KCNQ5: variants seen among roughly 807,000 people sequenced by gnomAD.
KCNQ5 encodes potassium voltage-gated channel subfamily KQT member 5.
In KCNQ5, 30 loss-of-function variants were observed where a neutral mutation model predicts 98.2. The ratio of observed to expected loss-of-function variants is 0.31; its 90% CI spans 0.23 to 0.41. The LOEUF is 0.41. Ranked by LOEUF, KCNQ5 falls within the 10% of genes least tolerant of loss-of-function variation. The pLI is 1.00. For missense variants in KCNQ5, 835 were observed against 1,182.5 expected, an observed-to-expected ratio of 0.71 and a Z score of 4.31; for synonymous variants, 458 against 449.4, an observed-to-expected ratio of 1.02 and a Z score of -0.24.
intron 13 of KCNQ5, among the ~76,000 whole-genome samples, chr6:73,193,356 G>C (rs950648912): frequency 6.6e-6 from 1 of 151,704 alleles, no homozygotes; most frequent in Non-Finnish European, 1.5e-5. Context: ...GGCCGGGTGT[G>C]GTGGCTCATG....
chr6:73,149,344 A>C (rs1339157332), intron 10 of KCNQ5, among the ~76,000 whole-genome samples: 1 of 152,242 alleles, frequency 6.6e-6, no homozygotes, highest in African/African-American at 2.4e-5. Flanking sequence ...GTATATGTAT[A>C]CCTGGTTTTA....
intron 10 of KCNQ5, among the ~76,000 whole-genome samples, chr6:73,166,037 G>C (rs115521628): frequency 3.9e-5 from 6 of 152,288 alleles, no homozygotes; most frequent in Non-Finnish European, 7.4e-5. Context: ...AACTGCTGGG[G>C]TTAAAGTTCT....
chr6:72,668,928 T>C (rs1766960304), intron 1 of KCNQ5, among the ~76,000 whole-genome samples: 1 of 151,954 alleles, frequency 6.6e-6, no homozygotes, highest in African/African-American at 2.4e-5. Flanking sequence ...ATTACCTTCA[T>C]ACAGGCCCTG....
At chr6:73,033,850 G>A (rs1256287156) in intron 2 of KCNQ5, among the ~76,000 whole-genome samples, 6 of 151,920 alleles carry the variant, frequency 3.9e-5, no homozygotes, top group African/African-American at 1.5e-4. Context: ...GGTCAAATTA[G>A]TCCCTTTGGT....
intron 1 of KCNQ5, among the ~76,000 whole-genome samples, chr6:72,809,368 T>C (rs1338475078): frequency 6.6e-6 from 1 of 151,656 alleles, no homozygotes; most frequent in Non-Finnish European, 1.5e-5. Context: ...AATGTGCACA[T>C]GTACCCTAAA....
chr6:72,830,822 T>C (rs1002854539), intron 1 of KCNQ5, among the ~76,000 whole-genome samples: 2 of 152,110 alleles, frequency 1.3e-5, no homozygotes, highest in Admixed American at 1.3e-4. Context: ...AGAAAATTTT[T>C]GCAATCTACT....
At chr6:72,783,571 A>C (rs1298271599) in intron 1 of KCNQ5, among the ~76,000 whole-genome samples, 1 of 152,208 alleles carries the variant, frequency 6.6e-6, no homozygotes, top group African/African-American at 2.4e-5. Flanking sequence ...TATAGGAAAC[A>C]AGAGAGGCTT....
chr6:73,022,439 C>T (rs549549263), intron 2 of KCNQ5, among the ~76,000 whole-genome samples: 5 of 152,140 alleles, frequency 3.3e-5, no homozygotes, highest in African/African-American at 9.6e-5. Context: ...GCCAAGAGCC[C>T]GAGACCAGCC....
chr6:72,959,800 G>A (rs1310351577), intron 1 of KCNQ5, among the ~76,000 whole-genome samples: 3 of 152,144 alleles, frequency 2.0e-5, no homozygotes, highest in Admixed American at 6.5e-5. Context: ...TTGAGAATCC[G>A]GGAGATTCAC....
chr6:72,669,910 C>CTTTTTTTTTTTT (rs541665177), intron 1 of KCNQ5, among the ~76,000 whole-genome samples: 5 of 135,006 alleles, frequency 3.7e-5, no homozygotes, highest in African/African-American at 1.4e-4. Flanking sequence ...ACTTTCTTTC[C>CTTTTTTTTTTTT]TTTTTTTTTT....
At chr6:73,083,002 C>T (rs754372749) in intron 5 of KCNQ5, among the ~76,000 whole-genome samples, 2 of 151,680 alleles carry the variant, frequency 1.3e-5, no homozygotes, top group African/African-American at 2.4e-5. Context: ...GCAGCCCTCC[C>T]GCCTCAGCCT....
chr6:72,708,926 C>A (rs1769223268), intron 1 of KCNQ5, among the ~76,000 whole-genome samples: 1 of 152,126 alleles, frequency 6.6e-6, no homozygotes, highest in Non-Finnish European at 1.5e-5. Context: ...TAATCAGGTT[C>A]CTACCATGAT....
chr6:73,044,195 A>G (rs747030514), intron 3 of KCNQ5, among the ~76,000 whole-genome samples: 2 of 152,174 alleles, frequency 1.3e-5, no homozygotes, highest in Non-Finnish European at 2.9e-5. Flanking sequence ...CTGGAGGATC[A>G]TTTGAGCCCA....
intron 3 of KCNQ5, among the ~76,000 whole-genome samples, chr6:73,042,635 C>T (rs9360630): frequency 0.2 from 30,404 of 151,978 alleles, 5,022 homozygotes; most frequent in African/African-American, 0.44. Flanking sequence ...GCTCTACACT[C>T]TGAAATATGA....
intron 1 of KCNQ5, among the ~76,000 whole-genome samples, chr6:72,938,855 T>C (rs184423567): frequency 8.3e-4 from 127 of 152,296 alleles, no homozygotes; most frequent in Admixed American, 1.9e-3. Flanking sequence ...GTGGATGTTG[T>C]TGTTGTTGGC....
chr6:72,918,373 C>T (rs1780256147), intron 1 of KCNQ5, among the ~76,000 whole-genome samples: 1 of 151,994 alleles, frequency 6.6e-6, no homozygotes, highest in Non-Finnish European at 1.5e-5. Context: ...TTGCCTTGGA[C>T]TGATAGAGCC....
intron 5 of KCNQ5, among the ~76,000 whole-genome samples, chr6:73,094,978 G>A (rs4323278): frequency 0.87 from 132,690 of 152,164 alleles, 58,550 homozygotes; most frequent in South Asian, 0.96. Flanking sequence ...CTCTAGCAAT[G>A]CTGGGGAAGT....
chr6:72,716,151 AT>A (rs1291428636), intron 1 of KCNQ5, among the ~76,000 whole-genome samples: 1 of 152,168 alleles, frequency 6.6e-6, no homozygotes, highest in East Asian at 1.9e-4. Flanking sequence ...ATTCCAACTG[AT>A]TTTTCACAGC....
At chr6:73,028,376 G>C (rs982007737) in intron 2 of KCNQ5, among the ~76,000 whole-genome samples, 1 of 152,208 alleles carries the variant, frequency 6.6e-6, no homozygotes, top group African/African-American at 2.4e-5. Flanking sequence ...AGAGAGGCAA[G>C]AGTTGTTTCC....
Sources: allele counts gnomAD v4.1 joint callset (sites outside exome capture counted in the v4.1 genomes callset), GRCh38; gene constraint gnomAD v4.1.1; transcripts MANE v1.5; gene names NCBI Gene and HGNC (gene_info 2026-07-23, HGNC 2026-07-21).